LYPLAL1: variants seen among roughly 807,000 people sequenced by gnomAD.
LYPLAL1 encodes lysophospholipase like 1, also known as lysophospholipase-like protein 1.
LYPLAL1 carries 23 observed loss-of-function variants against 19.7 expected under a neutral mutation model. The observed-to-expected ratio is 1.17, with a 90% CI of 0.84 to 1.65. The LOEUF is 1.65. Ranked by LOEUF, LYPLAL1 falls within the 40% of genes most tolerant of loss-of-function variation. LYPLAL1 has a pLI of 0.00. For missense variants in LYPLAL1, 355 were observed against 279.4 expected (o/e 1.27, Z -1.93); for synonymous variants, 119 against 96.3 (o/e 1.24, Z -1.38).
chr1:219,416,581 A>C, the LYPLAL1 span, among the ~76,000 whole-genome samples: 1 of 152,166 alleles, frequency 6.6e-6, no homozygotes, highest in African/African-American at 2.4e-5. Context: ...ATTTATACTC[A>C]TGTGAACCCA....
chr1:219,379,936 G>A, the LYPLAL1 span, among the ~76,000 whole-genome samples: 1 of 152,238 alleles, frequency 6.6e-6, no homozygotes, highest in Non-Finnish European at 1.5e-5. Context: ...ATAATGTGGT[G>A]AAGAAGAGGC....
the LYPLAL1 span, among the ~76,000 whole-genome samples, chr1:219,255,258 A>G: frequency 1.3e-5 from 2 of 151,696 alleles, no homozygotes; most frequent in Non-Finnish European, 2.9e-5. Flanking sequence ...ATTTAGAACT[A>G]CTTTAATTTC....
At chr1:219,342,938 G>A in the LYPLAL1 span, among the ~76,000 whole-genome samples, 1 of 152,278 alleles carries the variant, frequency 6.6e-6, no homozygotes, top group Admixed American at 6.5e-5. Flanking sequence ...TCTTATTGAA[G>A]TTTAATTAAT....
At chr1:219,323,114 C>T in the LYPLAL1 span, among the ~76,000 whole-genome samples, 2 of 152,138 alleles carry the variant, frequency 1.3e-5, no homozygotes, top group Admixed American at 6.6e-5. Flanking sequence ...GTATAAACAG[C>T]GGGACAACCA....
chr1:219,353,773 A>T, the LYPLAL1 span, among the ~76,000 whole-genome samples: 1 of 152,370 alleles, frequency 6.6e-6, no homozygotes. Flanking sequence ...AAGAAACAGG[A>T]AAATATGACC....
chr1:219,283,521 G>A, the LYPLAL1 span, among the ~76,000 whole-genome samples: 4 of 152,138 alleles, frequency 2.6e-5, no homozygotes, highest in Non-Finnish European at 4.4e-5. Context: ...TTCCTCATAA[G>A]CTGTTTCGTG....
the LYPLAL1 span, among the ~76,000 whole-genome samples, chr1:219,413,310 T>C: frequency 2.2e-4 from 34 of 152,336 alleles, no homozygotes; most frequent in East Asian, 6.4e-3. Context: ...GGTAGCCATC[T>C]TTTTGTTTAT....
chr1:219,232,279 G>A, the LYPLAL1 span, among the ~76,000 whole-genome samples: 2 of 152,080 alleles, frequency 1.3e-5, no homozygotes, highest in Admixed American at 6.5e-5. Flanking sequence ...TAGACTCAGT[G>A]CAGTTCATTT....
chr1:219,409,479 T>C, the LYPLAL1 span: 1 of 30,690 alleles, frequency 3.3e-5, no homozygotes, highest in Non-Finnish European at 9.1e-5. Context: ...AATTTTATTA[T>C]ATTAAACAAC....
At chr1:219,410,336 A>G in the LYPLAL1 span, 1 of 152,258 alleles carries the variant, frequency 6.6e-6, no homozygotes, top group Admixed American at 6.5e-5. Flanking sequence ...TAGTTATTAA[A>G]CAGAACGTAG....
chr1:219,234,497 A>G, the LYPLAL1 span, among the ~76,000 whole-genome samples: 1 of 152,154 alleles, frequency 6.6e-6, no homozygotes, highest in Admixed American at 6.5e-5. Context: ...ATACTTATTT[A>G]TGCACAAAAG....
At chr1:219,185,951 C>T (rs1042561978) in intron 2 of LYPLAL1, among the ~76,000 whole-genome samples, 1 of 151,842 alleles carries the variant, frequency 6.6e-6, no homozygotes, top group African/African-American at 2.4e-5. Context: ...ACACAGACTT[C>T]TGTTTCTTAA....
chr1:219,174,671 C>A (rs1198285418), intron 1 of LYPLAL1, among the ~76,000 whole-genome samples: 1 of 152,170 alleles, frequency 6.6e-6, no homozygotes, highest in Non-Finnish European at 1.5e-5. Flanking sequence ...CATCTGTAAT[C>A]ACTTTTGTCT....
the LYPLAL1 span, among the ~76,000 whole-genome samples, chr1:219,228,820 C>T: frequency 6.6e-6 from 1 of 151,910 alleles, no homozygotes; most frequent in South Asian, 2.1e-4. Flanking sequence ...GCTGGGATTA[C>T]AGGCATGCAC....
the LYPLAL1 span, among the ~76,000 whole-genome samples, chr1:219,313,674 A>G: frequency 1.3e-5 from 2 of 151,978 alleles, no homozygotes; most frequent in Admixed American, 6.6e-5. Flanking sequence ...AGCTGGGATT[A>G]CAGATGCCCA....
the LYPLAL1 span, among the ~76,000 whole-genome samples, chr1:219,294,457 C>T: frequency 6.6e-6 from 1 of 152,218 alleles, no homozygotes; most frequent in African/African-American, 2.4e-5. Context: ...CCAACTGTGG[C>T]ATCCAAGAGC....
the LYPLAL1 span, among the ~76,000 whole-genome samples, chr1:219,445,012 AT>A: frequency 1.3e-5 from 2 of 152,074 alleles, no homozygotes; most frequent in Admixed American, 1.3e-4. Flanking sequence ...TCTTGTACAA[AT>A]CACAATATGC....
intron 3 of LYPLAL1, among the ~76,000 whole-genome samples, chr1:219,207,818 A>T (rs1658692263): frequency 1.3e-5 from 2 of 152,104 alleles, no homozygotes; most frequent in Admixed American, 1.3e-4. Context: ...TTCAATGCTA[A>T]GAAAAATTTC....
At chr1:219,174,207 GCTTTGGGGC>G in intron 1 of LYPLAL1, 2 of 1,404,598 alleles carry the variant, frequency 1.4e-6, no homozygotes, top group Non-Finnish European at 1.9e-6. Context: ...CACCACCCTC[GCTTTGGGGC>G]CTTGTGTCCC....
Sources: gnomAD v4.1 joint callset for allele counts (sites outside exome capture counted in the v4.1 genomes callset) on GRCh38, gnomAD v4.1.1 for gene constraint, MANE v1.5 for transcripts, NCBI Gene and HGNC (gene_info 2026-07-23, HGNC 2026-07-21) for gene names.